RBMS2: variants seen among roughly 807,000 people sequenced by gnomAD.
RBMS2 encodes RNA binding motif single stranded interacting protein 2, also known as RNA-binding motif, single-stranded-interacting protein 2.
Under a neutral mutation model 58.4 loss-of-function variants are expected in RBMS2, and 38 were observed. The observed-to-expected ratio is 0.65, with a 90% CI of 0.50 to 0.85. The LOEUF is 0.85. RBMS2 is among the 40% of genes least tolerant of loss of function. RBMS2 has a pLI of 0.00. For synonymous variants in RBMS2, 151 were observed against 180.7 expected (o/e 0.84, Z 1.32); for missense variants, 367 against 503.7 (o/e 0.73, Z 2.60).
chr12:56,571,561 G>A, intron 4 of RBMS2, 137 bp from the exon 5 acceptor site: 1 of 941,076 alleles, frequency 1.1e-6, no homozygotes. Flanking sequence ...GGGACTGGGT[G>A]TTAACAAATA....
At chr12:56,573,779 C>T (rs1752882150) in intron 5 of RBMS2, among the ~76,000 whole-genome samples, 1 of 146,966 alleles carries the variant, frequency 6.8e-6, no homozygotes, top group African/African-American at 2.5e-5. Flanking sequence ...GAGACGGAGT[C>T]TCGCTCTGTC....
At chr12:56,544,940 G>A (rs1197740307) in intron 1 of RBMS2, among the ~76,000 whole-genome samples, 2 of 151,604 alleles carry the variant, frequency 1.3e-5, no homozygotes, top group Admixed American at 6.6e-5. Context: ...AATAGTTTTT[G>A]GGGTACAGGT....
chr12:56,573,413 G>T (rs980400851), intron 5 of RBMS2, among the ~76,000 whole-genome samples: 2 of 148,574 alleles, frequency 1.3e-5, no homozygotes, highest in Non-Finnish European at 3.0e-5. Context: ...GGAGGCGGAG[G>T]TTGCAGTAAG....
Position 56,533,787 on chromosome 12 carries a change from G to A in RBMS2, c.66+11698G>A, listed in dbSNP as rs377446518. On this transcript the variant is annotated intron_variant, in intron 1 of 13. Transcript: ENST00000262031. ...AGTGAAGCCAGTTTACTTCTATACT[G>A]CCATTTTGGACTGAAAGTCTTTCCC... Among the ~76,000 whole-genome samples, 3 of 151,918 alleles carry A rather than the reference G, an allele frequency of 2.0e-5. No homozygotes were observed. The South Asian group carries it at 6.2e-4, about 31-fold the overall frequency.
At position 56,581,677 on chromosome 12, in the gene RBMS2, G is replaced by A. The variant is rs561487982; in HGVS notation, c.733-156G>A. 66 of 1,146,514 alleles carry A rather than the reference G, an allele frequency of 5.8e-5. No individual in the cohort carries two copies. The highest frequency in any genetic ancestry group is 2.6e-4 in the East Asian group (11 of 42,300). The allele number at this position is 1,146,514 out of a possible 1,614,324, so 71.0% of individuals were successfully genotyped here. The stretch of plus-strand genomic sequence containing the variant: ...AGTTTGTTCTCGAGTGTGGCTTTGC[G>A]GCCTGCACAATTAGAAAAACTCTGA... On this transcript the variant is annotated intron_variant, in intron 7 of 13. Coordinates refer to ENST00000262031, the MANE Select transcript of RBMS2 (RefSeq NM_002898.4).
chr12:56,553,904 A>G (rs1308623373), intron 1 of RBMS2, among the ~76,000 whole-genome samples: 1 of 149,710 alleles, frequency 6.7e-6, no homozygotes, highest in Admixed American at 6.7e-5. Context: ...GGCTCACTGC[A>G]GCCTCCGCCT....
intron 1 of RBMS2, among the ~76,000 whole-genome samples, chr12:56,559,387 C>T (rs1050013840): frequency 4.0e-5 from 6 of 151,224 alleles, no homozygotes; most frequent in African/African-American, 1.2e-4. Context: ...GGGGTTTCAC[C>T]GTGTTAGCCA....
At chr12:56,581,982 T>G in intron 8 of RBMS2, 77 bp from the exon 9 acceptor site, 5 of 1,571,982 alleles carry the variant, frequency 3.2e-6, no homozygotes, top group Non-Finnish European at 4.4e-6. Flanking sequence ...CAAGGGAACG[T>G]TGGCTGTGCC....
intron 9 of RBMS2, among the ~76,000 whole-genome samples, chr12:56,586,558 C>CTTT (rs574354728): frequency 1.4e-5 from 2 of 145,366 alleles, no homozygotes; most frequent in Non-Finnish European, 3.0e-5. Context: ...TTTCCAAACC[C>CTTT]TTTTTTTTTT....
chr12:56,558,750 C>T (rs1013037198), intron 1 of RBMS2, among the ~76,000 whole-genome samples: 1 of 138,500 alleles, frequency 7.2e-6, no homozygotes, highest in Non-Finnish European at 1.6e-5. Flanking sequence ...TGTGTGCCAC[C>T]ATGCACACCT....
intron 5 of RBMS2, chr12:56,572,829 T>C: frequency 2.0e-6 from 2 of 984,804 alleles, no homozygotes; most frequent in Non-Finnish European, 2.4e-6. Context: ...ATTCTGCACC[T>C]GTGATATCAG....
chr12:56,563,639 T>C (rs1880829852), intron 2 of RBMS2, among the ~76,000 whole-genome samples: 1 of 152,010 alleles, frequency 6.6e-6, no homozygotes, highest in Non-Finnish European at 1.5e-5. Flanking sequence ...CTGGTGTATA[T>C]AAAAAACTGG....
At position 56,529,431 on chromosome 12, in the gene RBMS2, C is replaced by A. The variant is rs530513565; in HGVS notation, c.66+7342C>A. Among the ~76,000 whole-genome samples the A allele has an allele frequency of 2.0e-5, 3 of 151,858 alleles. No homozygotes were observed. In the East Asian group the frequency reaches 5.8e-4, roughly 29 times the overall value. ...AAAATTAGCCAGGCGTGCTGGTGTG[C>A]AACACACCTGTAGCCCCAGCTACTC... On this transcript the variant is annotated intron_variant, in intron 1 of 13. Coordinates refer to ENST00000262031, the MANE Select transcript of RBMS2 (RefSeq NM_002898.4).
At chr12:56,566,371 T>C (rs2136444724) in intron 2 of RBMS2, among the ~76,000 whole-genome samples, 1 of 152,336 alleles carries the variant, frequency 6.6e-6, no homozygotes, top group South Asian at 2.1e-4. Context: ...GTTCTGTCTC[T>C]TTAATATTTT....
At chr12:56,587,844 C>A in intron 11 of RBMS2, 180 bp downstream of exon 11, 1 of 548,908 alleles carries the variant, frequency 1.8e-6, no homozygotes, top group Non-Finnish European at 2.3e-6. Flanking sequence ...TACAGCCATT[C>A]TGCTCCCCAG....
At chr12:56,563,384 C>T (rs78475403) in intron 2 of RBMS2, among the ~76,000 whole-genome samples, 5,175 of 152,168 alleles carry the variant, frequency 0.034, 323 homozygotes, top group African/African-American at 0.12. Context: ...GTGGGACTCG[C>T]CAATCAAATC....
intron 1 of RBMS2, among the ~76,000 whole-genome samples, chr12:56,537,658 G>A (rs1226167698): frequency 1.3e-5 from 2 of 152,174 alleles, no homozygotes; most frequent in African/African-American, 2.4e-5. Flanking sequence ...ATGAACTTGA[G>A]TGTACAAATA....
intron 2 of RBMS2, among the ~76,000 whole-genome samples, chr12:56,566,563 A>G (rs1881378924): frequency 6.6e-6 from 1 of 152,240 alleles, no homozygotes; most frequent in Non-Finnish European, 1.5e-5. Context: ...CACACCTGTA[A>G]TCACAGCACT....
At chr12:56,565,394 G>C (rs1881168359) in intron 2 of RBMS2, among the ~76,000 whole-genome samples, 1 of 151,758 alleles carries the variant, frequency 6.6e-6, no homozygotes, top group Non-Finnish European at 1.5e-5. Context: ...ACCTCTCTTA[G>C]AAGAAAGACT....
Sources: gnomAD v4.1 joint callset for allele counts (sites outside exome capture counted in the v4.1 genomes callset) on GRCh38, gnomAD v4.1.1 for gene constraint, MANE v1.5 for transcripts, NCBI Gene and HGNC (gene_info 2026-07-23, HGNC 2026-07-21) for gene names.